The following MTUS1 variants were observed in gnomAD, a reference collection of about 807,000 sequenced individuals.
MTUS1 encodes the protein microtubule-associated tumor suppressor 1.
MTUS1 carries 109 observed loss-of-function variants against 120.8 expected under a neutral mutation model. The ratio of observed to expected loss-of-function variants is 0.90; its 90% CI spans 0.77 to 1.06. MTUS1 has a LOEUF of 1.06. MTUS1 is among the 50% of genes least tolerant of loss of function. The pLI is 0.00. For missense variants in MTUS1, 2,210 were observed against 1,486.3 expected (o/e 1.49, Z -8.01); for synonymous variants, 737 against 550.5 (o/e 1.34, Z -4.74).
rs2047503587 is a variant in MTUS1, at chr8:17,743,599, C to G, written c.2287+5G>C. 1 of 1,609,526 alleles carries G rather than the reference C, an allele frequency of 6.2e-7. No individual in the cohort carries two copies. The highest frequency in any genetic ancestry group is 8.5e-7 in the Non-Finnish European group (1 of 1,177,922). On this transcript the variant is annotated splice_donor_5th_base_variant and intron_variant, in intron 3 of 14. Transcript: ENST00000693296. The stretch of plus-strand genomic sequence containing the variant: ...TCATAAACTATTGAACTATTTTATT[C>G]TTACCAGAACTGGACACACGCCTGA...
chr8:17,684,169 T>C lies in MTUS1; in HGVS notation c.2838+159A>G, dbSNP rs1815230046. On this transcript the variant is annotated intron_variant, in intron 7 of 14. Coordinates refer to ENST00000693296, the MANE Select transcript of MTUS1 (RefSeq NM_001363059.2). ...CCATCCCAAATTGCTAGAGACCGAC[T>C]CAAGTATCTGGTGAAGTGACAAAAA... Among the ~76,000 whole-genome samples, 5 of 152,274 alleles carry C rather than the reference T, an allele frequency of 3.3e-5. 1 individual carries two copies. In the South Asian group the frequency reaches 1.0e-3, roughly 32 times the overall value.
chr8:17,670,623 G>T (rs1811820338), intron 8 of MTUS1, among the ~76,000 whole-genome samples: 1 of 152,110 alleles, frequency 6.6e-6, no homozygotes, highest in Non-Finnish European at 1.5e-5. Flanking sequence ...AAGTGTTAGA[G>T]ACCAGCCTGA....
chr8:17,673,454 G>C (rs1385785499), intron 8 of MTUS1, among the ~76,000 whole-genome samples: 1 of 152,130 alleles, frequency 6.6e-6, no homozygotes, highest in Non-Finnish European at 1.5e-5. Flanking sequence ...AAGGGAAGAT[G>C]AATGCAGAGA....
At chr8:17,728,608 C>G (rs964780687) in intron 3 of MTUS1, among the ~76,000 whole-genome samples, 1 of 152,128 alleles carries the variant, frequency 6.6e-6, no homozygotes, top group African/African-American at 2.4e-5. Context: ...TCATGTCTCA[C>G]CATAAGGTAT....
chr8:17,764,800 A>C (rs2049334968), intron 1 of MTUS1, among the ~76,000 whole-genome samples: 1 of 152,196 alleles, frequency 6.6e-6, no homozygotes, highest in African/African-American at 2.4e-5. Flanking sequence ...CTGACCCCTG[A>C]ACTAGTCTAT....
In MTUS1 at chr8:17,754,951, T is replaced by G. The variant is rs2048487494; in HGVS notation, c.857A>C (p.Glu286Ala). 6.2e-7 allele frequency: 1 copy of G among 1,613,990 alleles called. No homozygotes were observed. Among genetic ancestry groups the G allele is most frequent in the South Asian group, 1.1e-5 (1 of 91,082 alleles). The change falls in exon 2 of 15, where the codon GAA (glutamate) becomes GCA (alanine). Residue 286 changes from glutamate (E) to alanine (A), a missense_variant. By Grantham distance (107) the Glu-to-Ala change is moderately radical. Transcript: ENST00000693296. Reference sequence around the variant, plus strand: ...TGGTGTTAGTGCTTGTGTCTCCTTTTCTCCAACTAGTCTTTGTTGTGATCC... The same window carrying G: ...TGGTGTTAGTGCTTGTGTCTCCTTTGCTCCAACTAGTCTTTGTTGTGATCC... ...TDGSQQRLVG[E>A]KETQALTPVS...
intron 6 of MTUS1, among the ~76,000 whole-genome samples, chr8:17,684,747 C>G (rs1444624038): frequency 6.6e-6 from 1 of 152,186 alleles, no homozygotes; most frequent in Non-Finnish European, 1.5e-5. Flanking sequence ...TCATTTATGA[C>G]TTTAAAAGAT....
chr8:17,713,432 T>G (rs916965810), intron 5 of MTUS1, among the ~76,000 whole-genome samples, 180 bp from the exon 6 acceptor site: 4 of 152,128 alleles, frequency 2.6e-5, no homozygotes, highest in Admixed American at 2.0e-4. Flanking sequence ...TATAAGGTGA[T>G]ATTTCACATA....
At chr8:17,691,235 T>C (rs1355619032) in intron 6 of MTUS1, 1 of 152,272 alleles carries the variant, frequency 6.6e-6, no homozygotes, top group Admixed American at 6.5e-5. Context: ...TCTAGTTATC[T>C]GAAACTTGTC....
At chr8:17,657,454 G>C (rs1456186585) in intron 8 of MTUS1, among the ~76,000 whole-genome samples, 3 of 150,026 alleles carry the variant, frequency 2.0e-5, no homozygotes, top group East Asian at 2.0e-4. Flanking sequence ...TGTAGTCCCA[G>C]CTACTTGGGA....
intron 7 of MTUS1, chr8:17,681,602 C>T (rs1814521017): frequency 6.5e-6 from 1 of 154,766 alleles, no homozygotes; most frequent in Non-Finnish European, 1.5e-5. Flanking sequence ...GCAAAAGTAA[C>T]TGTAGCTTTT....
chr8:17,668,876 G>A (rs942587589), intron 8 of MTUS1, among the ~76,000 whole-genome samples: 1 of 152,062 alleles, frequency 6.6e-6, no homozygotes, highest in African/African-American at 2.4e-5. Flanking sequence ...CCCTCTTTGT[G>A]TCCATATGTG....
chr8:17,684,671 T>C, intron 6 of MTUS1, 129 bp from the exon 7 acceptor site: 3 of 717,200 alleles, frequency 4.2e-6, no homozygotes, highest in Non-Finnish European at 4.9e-6. Context: ...AAGGAATGCA[T>C]ATGGATGAGA....
chr8:17,680,464 CAAAAAAAAAAAAAAAAAAA>C (rs58490523), intron 7 of MTUS1, among the ~76,000 whole-genome samples: 2 of 24,324 alleles, frequency 8.2e-5, no homozygotes, highest in African/African-American at 2.9e-4. Context: ...GCCACTGTCG[CAAAAAAAAAAAAAAAAAAA>C]AAAAAAAAAA....
intron 8 of MTUS1, chr8:17,674,352 G>A (rs1182366772): frequency 1.0e-5 from 5 of 493,848 alleles, no homozygotes; most frequent in African/African-American, 8.4e-5. Context: ...CCCGGGAGGC[G>A]GAGGTTGCAG....
chr8:17,771,440 C>T (rs1014688681), intron 1 of MTUS1, among the ~76,000 whole-genome samples: 3 of 152,202 alleles, frequency 2.0e-5, no homozygotes, highest in Non-Finnish European at 2.9e-5. Flanking sequence ...TTCAAATCAA[C>T]GTTTCTTTCA....
chr8:17,796,095 G>A (rs895406738), intron 1 of MTUS1, among the ~76,000 whole-genome samples: 16 of 151,312 alleles, frequency 1.1e-4, no homozygotes, highest in African/African-American at 2.7e-4. Flanking sequence ...GATTACAGGC[G>A]CCCACCACCA....
At position 17,724,170 on chromosome 8, in the gene MTUS1, A is replaced by T; in HGVS notation, c.2288-337T>A. 6.5e-6 allele frequency: 3 copies of T among 458,714 alleles called. 1 individual carries two copies. Among genetic ancestry groups the T allele is most frequent in the Middle Eastern group, 3.2e-4 (1 of 3,146 alleles). 28.4% of individuals were successfully genotyped at this position (458,714 alleles called of 1,614,324 possible). On this transcript the variant is annotated intron_variant, in intron 3 of 14. Transcript: ENST00000693296. ...AAGCAGCTTTTGGCAAAACTGAAAT[A>T]AAAAAATAAACAAATTGATACGACC...
chr8:17,726,978 G>A (rs1413276796), intron 3 of MTUS1, among the ~76,000 whole-genome samples: 1 of 152,144 alleles, frequency 6.6e-6, no homozygotes, highest in Non-Finnish European at 1.5e-5. Context: ...ACATTTCTGA[G>A]TGTGCCTGGG....
Sources: gnomAD v4.1 joint callset for allele counts (sites outside exome capture counted in the v4.1 genomes callset) on GRCh38, gnomAD v4.1.1 for gene constraint, MANE v1.5 for transcripts, NCBI Gene and HGNC (gene_info 2026-07-23, HGNC 2026-07-21) for gene names.